The following ADGRB3 variants were observed in gnomAD, a reference collection of about 807,000 sequenced individuals.
ADGRB3 encodes adhesion G protein-coupled receptor B3.
Under a neutral mutation model 193.4 loss-of-function variants are expected in ADGRB3, and 37 were observed. The observed-to-expected ratio is 0.19, with a 90% CI of 0.15 to 0.25. The LOEUF (loss-of-function observed/expected upper bound fraction) is 0.25, where lower values mean the gene tolerates loss of function less well. Ranked by LOEUF, ADGRB3 falls within the 10% of genes least tolerant of loss-of-function variation. The pLI is 1.00. For synonymous variants in ADGRB3, 690 were observed against 644.2 expected (o/e 1.07, Z -1.08); for missense variants, 1,637 against 1,852.9 (o/e 0.88, Z 2.14).
intron 28 of ADGRB3, among the ~76,000 whole-genome samples, chr6:69,358,113 A>G (rs1292429848): frequency 1.3e-5 from 2 of 151,940 alleles, no homozygotes; most frequent in Non-Finnish European, 2.9e-5. Context: ...TCCTTGACAG[A>G]GAAGCAATAT....
At chr6:69,321,440 C>T (rs902771806) in intron 20 of ADGRB3, among the ~76,000 whole-genome samples, 1 of 151,594 alleles carries the variant, frequency 6.6e-6, no homozygotes, top group Admixed American at 6.6e-5. Flanking sequence ...TAGTGGAAGT[C>T]GACACATGGA....
intron 20 of ADGRB3, among the ~76,000 whole-genome samples, chr6:69,264,066 A>G (rs1053787120): frequency 5.9e-5 from 9 of 152,000 alleles, no homozygotes; most frequent in Non-Finnish European, 1.3e-4. Context: ...CCATAGATGG[A>G]TACATGTATT....
chr6:68,921,665 T>C (rs1049153182), intron 3 of ADGRB3, among the ~76,000 whole-genome samples: 4 of 152,066 alleles, frequency 2.6e-5, no homozygotes, highest in Admixed American at 1.3e-4. Context: ...AAGGGAATGA[T>C]GTAGTTCAAG....
chr6:68,897,865 AAAG>A (rs904970547), intron 3 of ADGRB3, among the ~76,000 whole-genome samples: 12 of 117,964 alleles, frequency 1.0e-4, no homozygotes, highest in South Asian at 5.6e-4. Flanking sequence ...ACAAAAGAAA[AAAG>A]AAAGAAAGAA....
intron 3 of ADGRB3, among the ~76,000 whole-genome samples, chr6:68,894,360 T>C (rs1582291820): frequency 6.6e-6 from 1 of 152,060 alleles, no homozygotes; most frequent in East Asian, 1.9e-4. Context: ...TTCTGCTGGT[T>C]TAATTGTTGA....
At chr6:68,711,950 T>C (rs139468664) in intron 3 of ADGRB3, among the ~76,000 whole-genome samples, 95 of 152,192 alleles carry the variant, frequency 6.2e-4, no homozygotes, top group African/African-American at 2.0e-3. Context: ...TTTAGCAGAA[T>C]GTACTTCATT....
chr6:68,693,452 G>C (rs941209724), intron 3 of ADGRB3, among the ~76,000 whole-genome samples: 21 of 151,872 alleles, frequency 1.4e-4, no homozygotes, highest in Admixed American at 8.6e-4. Context: ...GGTGGTTAGT[G>C]GGGCTTCTCT....
At chr6:69,011,123 A>G (rs1207156958) in intron 11 of ADGRB3, among the ~76,000 whole-genome samples, 2 of 127,848 alleles carry the variant, frequency 1.6e-5, no homozygotes, top group African/African-American at 3.1e-5. Flanking sequence ...GTATGTGTAT[A>G]TATACATATA....
intron 3 of ADGRB3, among the ~76,000 whole-genome samples, chr6:68,912,689 G>T (rs1766752149): frequency 6.6e-6 from 1 of 152,020 alleles, no homozygotes; most frequent in Non-Finnish European, 1.5e-5. Context: ...CCCTACAAAG[G>T]ACATGAACTC....
intron 5 of ADGRB3, among the ~76,000 whole-genome samples, chr6:68,939,377 A>G (rs1448712684): frequency 6.6e-6 from 1 of 152,048 alleles, no homozygotes; most frequent in Non-Finnish European, 1.5e-5. Context: ...TTTTACCCTT[A>G]CACCTACAGA....
chr6:69,290,177 A>T (rs1767637750), intron 20 of ADGRB3, among the ~76,000 whole-genome samples: 1 of 152,086 alleles, frequency 6.6e-6, no homozygotes, highest in Non-Finnish European at 1.5e-5. Flanking sequence ...TAACTGAGTG[A>T]TTATAGACCC....
rs534481668 is a variant in ADGRB3 at position 69,374,043 on chromosome 6, A to C, written c.4275+1602A>C. Among the ~76,000 whole-genome samples the C allele has an allele frequency of 7.9e-5, 12 of 152,110 alleles. No individual in the cohort carries two copies. The East Asian group carries it at 2.3e-3, about 30-fold the overall frequency. On this transcript the variant is annotated intron_variant, in intron 30 of 31. Coordinates refer to ENST00000370598, the MANE Select transcript of ADGRB3 (RefSeq NM_001704.3). ...CCCATAAAACCATGTTGTTAGTAAA[A>C]CTTTTGCTGATAAATAAGAGAAATT...
intron 17 of ADGRB3, among the ~76,000 whole-genome samples, chr6:69,139,451 T>C (rs1344522075): frequency 1.3e-5 from 2 of 152,200 alleles, no homozygotes; most frequent in African/African-American, 4.8e-5. Context: ...GTTTCTCAAA[T>C]AAAGACATGT....
At chr6:68,734,758 C>G (rs1278364642) in intron 3 of ADGRB3, among the ~76,000 whole-genome samples, 1 of 151,928 alleles carries the variant, frequency 6.6e-6, no homozygotes, top group East Asian at 1.9e-4. Context: ...TCTGAACTAT[C>G]CTTTTAATGA....
chr6:69,123,636 AT>A (rs1046120557), intron 17 of ADGRB3, among the ~76,000 whole-genome samples: 19 of 152,200 alleles, frequency 1.2e-4, no homozygotes, highest in African/African-American at 4.6e-4. Flanking sequence ...GAATAAGGCA[AT>A]TTTATATACA....
intron 17 of ADGRB3, among the ~76,000 whole-genome samples, chr6:69,126,236 T>C (rs552056313): frequency 4.3e-4 from 63 of 147,954 alleles, no homozygotes; most frequent in African/African-American, 8.7e-4. Flanking sequence ...GATACACACA[T>C]ACATACATAC....
At chr6:68,854,782 T>TCCTTG (rs1405664551) in intron 3 of ADGRB3, among the ~76,000 whole-genome samples, 3 of 152,200 alleles carry the variant, frequency 2.0e-5, no homozygotes, top group Non-Finnish European at 1.5e-5. Context: ...CTCTGTGTTT[T>TCCTTG]CCTTGCCTTG....
chr6:68,930,485 T>C (rs1343846907), intron 3 of ADGRB3, 74 bp from the exon 4 acceptor site: 1 of 978,172 alleles, frequency 1.0e-6, no homozygotes, highest in Admixed American at 2.3e-5. Flanking sequence ...TAGGAACATA[T>C]TGCATGAGAC....
At chr6:69,007,772 C>T (rs895330155) in intron 11 of ADGRB3, among the ~76,000 whole-genome samples, 5 of 150,556 alleles carry the variant, frequency 3.3e-5, no homozygotes, top group Admixed American at 1.3e-4. Flanking sequence ...ATTTTGTTTT[C>T]GTGTCACTGT....
Sources: allele counts gnomAD v4.1 joint callset (sites outside exome capture counted in the v4.1 genomes callset), GRCh38; gene constraint gnomAD v4.1.1; transcripts MANE v1.5; gene names NCBI Gene and HGNC (gene_info 2026-07-23, HGNC 2026-07-21).